Variants in CFAP99 observed in about 807,000 individuals in gnomAD.
The protein encoded by CFAP99 is cilia and flagella associated protein 99, also known as cilia- and flagella-associated protein 99.
CFAP99 carries 84 observed loss-of-function variants against 82.7 expected under a neutral mutation model. The observed-to-expected ratio is 1.02, with a 90% CI of 0.85 to 1.22. The LOEUF is 1.22. Among genes scored for constraint, CFAP99 ranks in the 50% most tolerant of loss-of-function variants. The pLI, the probability that CFAP99 is intolerant of heterozygous loss-of-function variation, is 0.00. For missense variants in CFAP99, 1,059 were observed against 983.5 expected (o/e 1.08, Z -1.03); for synonymous variants, 456 against 429.5 (o/e 1.06, Z -0.76).
chr4:2,419,051 G>C (rs1733454451), exon 1 of CFAP99: 1 of 152,272 alleles, frequency 6.6e-6, no homozygotes, highest in South Asian at 2.1e-4. Context: ...GCGGTGGCAG[G>C]TGGCGGCGGC....
Position 2,437,087 on chromosome 4 carries a change from C to T in CFAP99, c.256+69C>T, listed in dbSNP as rs1227718259. ...TCACTCAGGCTCTCTGCGGAAAGGC[C>T]TGGCAGGCAGGCAGCGGGCAGGCGG... is the stretch of plus-strand genomic sequence containing the variant. On this transcript the variant is annotated intron_variant, in intron 3 of 14. Coordinates refer to ENST00000635017, the Ensembl canonical transcript of CFAP99. 3.9e-6 allele frequency: 6 copies of T among 1,519,036 alleles called. No individual in the cohort carries two copies. In the African/African-American group the frequency reaches 6.9e-5, roughly 17 times the overall value. 94.1% of individuals were successfully genotyped at this position (1,519,036 alleles called of 1,614,324 possible).
intron 1 of CFAP99, among the ~76,000 whole-genome samples, chr4:2,421,590 C>G (rs1442052239): frequency 6.6e-6 from 1 of 152,126 alleles, no homozygotes; most frequent in Admixed American, 6.5e-5. Flanking sequence ...CTCAAGTGAT[C>G]TGCCCGCCTT....
In CFAP99 at chr4:2,462,792, G is replaced by C. The variant is rs1734660606; in HGVS notation, c.2011G>C (p.Ala671Pro). Reference sequence around the variant, plus strand: ...TGGGGGCGTCCCTGCCCGCGCCGACGCGTTCCCCGGCCTGCAGGCGCAGCT... The same window carrying C: ...TGGGGGCGTCCCTGCCCGCGCCGACCCGTTCCCCGGCCTGCAGGCGCAGCT... The change falls in exon 15 of 15, where the codon GCG (alanine) becomes CCG (proline). Residue 671 changes from alanine (A) to proline (P), a missense_variant. Transcript: ENST00000635017. This position sits in a 1 kb window ranked among gnomAD's most constrained non-coding sequence, Gnocchi z 4.1. 6 of 1,290,382 alleles carry C rather than the reference G, an allele frequency of 4.6e-6. No individual in the cohort carries two copies. The highest frequency in any genetic ancestry group is 5.9e-6 in the Non-Finnish European group (6 of 1,021,598). 79.9% of individuals were successfully genotyped at this position (1,290,382 alleles called of 1,614,324 possible). A position where few individuals can be genotyped will look rare whatever the true frequency, so the allele number is the denominator to read the frequency against.
intron 2 of CFAP99, 131 bp from the exon 3 acceptor site, chr4:2,436,743 G>A (rs1256191462): frequency 5.6e-6 from 4 of 711,084 alleles, no homozygotes; most frequent in African/African-American, 5.3e-5. Flanking sequence ...AGCTGCCTTG[G>A]GGGCCCCACT....
chr4:2,438,411 C>T (rs1272502102), intron 4 of CFAP99, among the ~76,000 whole-genome samples: 7 of 152,168 alleles, frequency 4.6e-5, no homozygotes, highest in Non-Finnish European at 1.0e-4. Flanking sequence ...TACAGGCGCC[C>T]GCCACCACAC....
intron 1 of CFAP99, among the ~76,000 whole-genome samples, chr4:2,420,062 G>A (rs573492419): frequency 2.8e-4 from 42 of 151,872 alleles, no homozygotes; most frequent in African/African-American, 9.4e-4. Flanking sequence ...TGCCCTCTCC[G>A]TGACACAGCA....
chr4:2,434,053 G>C (rs976451232), intron 2 of CFAP99, among the ~76,000 whole-genome samples: 5 of 152,200 alleles, frequency 3.3e-5, no homozygotes, highest in Admixed American at 1.3e-4. Context: ...CCCAGCCGAA[G>C]GGCCAGGAAG....
At chr4:2,434,254 G>A (rs34319356) in intron 2 of CFAP99, among the ~76,000 whole-genome samples, 18,680 of 152,200 alleles carry the variant, frequency 0.12, 1,245 homozygotes, top group Non-Finnish European at 0.15. Flanking sequence ...TCAGGGAGCG[G>A]GGCCAGCTGG....
rs146154713 is a variant in CFAP99 at position 2,446,368 on chromosome 4, GTTATTATTATTATTA to G, written c.642+1087_642+1101del. ...CTTTTTATTTCATTTTATTATTGTT[GTTATTATTATTATTA>G]TTATTATTATTATTATTATTATTAT... On this transcript the variant is annotated intron_variant, in intron 6 of 14. Transcript: ENST00000635017. The surrounding 1 kb of genome is among the most constrained non-coding windows in gnomAD (Gnocchi z 5.0). 0.013 allele frequency among the ~76,000 whole-genome samples: 1,952 copies of G among 148,462 alleles called. 52 individuals are homozygous for G. The highest frequency in any genetic ancestry group is 0.044 in the African/African-American group (1,758 of 40,078).
chr4:2,460,959 G>A (rs189714525), intron 14 of CFAP99, among the ~76,000 whole-genome samples: 20 of 152,254 alleles, frequency 1.3e-4, no homozygotes, highest in African/African-American at 3.9e-4. Flanking sequence ...AGATGGTCTC[G>A]AACTCCTGAC....
intron 13 of CFAP99, 44 bp from the exon 14 acceptor site, chr4:2,459,993 C>T: frequency 6.6e-7 from 1 of 1,518,418 alleles, no homozygotes; most frequent in South Asian, 1.2e-5. Flanking sequence ...AGCATCGGGG[C>T]CCAGCACAGC....
Position 2,446,147 on chromosome 4 carries a change from C to A in CFAP99, c.642+839C>A, listed in dbSNP as rs1260535469. ...CCCACTCCCACCATCCTTCAGGTCT[C>A]ATTAAAATCCCTCTTCCCAGAGAGG... On this transcript the variant is annotated intron_variant, in intron 6 of 14. Coordinates refer to ENST00000635017, the Ensembl canonical transcript of CFAP99. This position sits in a 1 kb window ranked among gnomAD's most constrained non-coding sequence, Gnocchi z 5.0. Among the ~76,000 whole-genome samples, 2 of 152,204 alleles carry A rather than the reference C, an allele frequency of 1.3e-5. No homozygotes were observed. Among genetic ancestry groups the A allele is most frequent in the East Asian group, 3.9e-4 (2 of 5,192 alleles).
intron 6 of CFAP99, among the ~76,000 whole-genome samples, chr4:2,449,436 C>T (rs1734248562): frequency 6.6e-6 from 1 of 151,788 alleles, no homozygotes; most frequent in Middle Eastern, 3.4e-3. Context: ...CCACCCCATC[C>T]CAGGCCAAGC....
chr4:2,445,353 GGTAGC>G lies in CFAP99; in HGVS notation c.642+46_642+50del. On this transcript the variant is annotated intron_variant, in intron 6 of 14. Coordinates refer to ENST00000635017, the Ensembl canonical transcript of CFAP99. ...GCAGGCACTGGCTTGCAGGCATCAGGGTAGCCAAGCTGGGAGAGTGGACTGTGTGG... is the reference window on the plus strand; with the variant it reads ...GCAGGCACTGGCTTGCAGGCATCAGGCAAGCTGGGAGAGTGGACTGTGTGG... The G allele has an allele frequency of 2.3e-6, 3 of 1,282,262 alleles. No homozygotes were observed. In the South Asian group the frequency reaches 8.1e-5, roughly 35 times the overall value. The allele number at this position is 1,282,262 out of a possible 1,614,324, so 79.4% of individuals were successfully genotyped here.
intron 11 of CFAP99, among the ~76,000 whole-genome samples, chr4:2,456,360 G>C (rs1010310986): frequency 6.9e-6 from 1 of 144,328 alleles, no homozygotes; most frequent in Non-Finnish European, 1.5e-5. Flanking sequence ...AAGTACTCTA[G>C]CAATGGGGCT....
Position 2,462,354 on chromosome 4 carries a change from C to T in CFAP99, c.1662-89C>T, listed in dbSNP as rs1384906245. On this transcript the variant is annotated intron_variant, in intron 14 of 14. Transcript: ENST00000635017. The surrounding 1 kb of genome is among the most constrained non-coding windows in gnomAD (Gnocchi z 4.1). ...ACCTCTCCGGCTGCGTAGCTCCTTG[C>T]CCCCGCGTCGCTTGGACACGGGTGG... 6 of 1,277,916 alleles carry T rather than the reference C, an allele frequency of 4.7e-6. No individual in the cohort carries two copies. The highest frequency in any genetic ancestry group is 6.1e-6 in the Non-Finnish European group (6 of 991,272). The allele number at this position is 1,277,916 out of a possible 1,614,324, so 79.2% of individuals were successfully genotyped here. A position where few individuals can be genotyped will look rare whatever the true frequency, so the allele number is the denominator to read the frequency against.
chr4:2,440,889 C>T lies in CFAP99; in HGVS notation c.352-2241C>T, dbSNP rs905142701. On this transcript the variant is annotated intron_variant, in intron 4 of 14. Coordinates refer to ENST00000635017, the Ensembl canonical transcript of CFAP99. ...GATTACAGGCGTCAGCCACCGCGCCCGGCCAAAATTTTTTTTAAATTAGCC... is the reference window on the plus strand; with the variant it reads ...GATTACAGGCGTCAGCCACCGCGCCTGGCCAAAATTTTTTTTAAATTAGCC... Among the ~76,000 whole-genome samples, 7 of 152,086 alleles carry T rather than the reference C, an allele frequency of 4.6e-5. No homozygotes were observed. The East Asian group carries it at 1.2e-3, about 25-fold the overall frequency.
intron 4 of CFAP99, among the ~76,000 whole-genome samples, chr4:2,441,138 A>C (rs188441143): frequency 1.3e-5 from 2 of 151,768 alleles, no homozygotes; most frequent in East Asian, 3.9e-4. Flanking sequence ...TGGGAGGCCG[A>C]AGTGGGTGTA....
chr4:2,445,362 G>A, intron 6 of CFAP99, 54 bp downstream of exon 6: 1 of 1,275,108 alleles, frequency 7.8e-7, no homozygotes, highest in Non-Finnish European at 9.9e-7. Flanking sequence ...GGGTAGCCAA[G>A]CTGGGAGAGT....
Sources: gnomAD v4.1 joint callset for allele counts (sites outside exome capture counted in the v4.1 genomes callset) on GRCh38, gnomAD v4.1.1 for gene constraint, Gnocchi (gnomAD v3.1) non-coding constraint, MANE v1.5 for transcripts, NCBI Gene and HGNC (gene_info 2026-07-23, HGNC 2026-07-21) for gene names.